RMND1: variants seen among roughly 807,000 people sequenced by gnomAD.
The protein encoded by RMND1 is required for meiotic nuclear division protein 1 homolog.
RMND1 carries 41 observed loss-of-function variants against 54.0 expected under a neutral mutation model. That is an observed-to-expected ratio of 0.76 (90% confidence interval 0.59 to 0.98). RMND1 has a LOEUF of 0.98. RMND1 is among the 50% of genes least tolerant of loss of function. The pLI, the probability that RMND1 is intolerant of heterozygous loss-of-function variation, is 0.00. For missense variants in RMND1, 457 were observed against 532.0 expected (o/e 0.86, Z 1.39); for synonymous variants, 183 against 181.7 (o/e 1.01, Z -0.06).
chr6:151,420,912 T>G (rs1780132891), intron 9 of RMND1: 1 of 170,190 alleles, frequency 5.9e-6, no homozygotes, highest in Admixed American at 6.1e-5. Flanking sequence ...AGCATTATGA[T>G]GCAGTGATAT....
chr6:151,430,319 G>A, intron 4 of RMND1, 142 bp from the exon 5 acceptor site: 1 of 557,142 alleles, frequency 1.8e-6, no homozygotes, highest in Non-Finnish European at 3.3e-6. Flanking sequence ...TTGATATTAT[G>A]GTCCTTAGGT....
At chr6:151,443,541 C>T (rs551749471) in intron 2 of RMND1, among the ~76,000 whole-genome samples, 35 of 152,270 alleles carry the variant, frequency 2.3e-4, no homozygotes, top group African/African-American at 8.2e-4. Context: ...GAACTCCTGA[C>T]CTCAAGTAAT....
At chr6:151,405,945 C>T (rs1264845714) in intron 10 of RMND1, 109 bp from the exon 11 acceptor site, 1 of 532,726 alleles carries the variant, frequency 1.9e-6, no homozygotes, top group Non-Finnish European at 3.3e-6. Flanking sequence ...GTCCTCTCCC[C>T]AAAGGCAGCC....
chr6:151,450,455 G>GGTCAGCCCCCCGCCC (rs1554348316), intron 1 of RMND1, among the ~76,000 whole-genome samples: 3 of 89,374 alleles, frequency 3.4e-5, no homozygotes, highest in African/African-American at 9.9e-5. Flanking sequence ...GGAGGTGGGG[G>GGTCAGCCCCCCGCCC]GGCCAGCCCC....
chr6:151,442,711 TC>T (rs34519973), intron 2 of RMND1, among the ~76,000 whole-genome samples: 26,222 of 143,662 alleles, frequency 0.18, 2,555 homozygotes, highest in African/African-American at 0.23. Context: ...TTTTTTTTTT[TC>T]CAAGTCTTTT....
At chr6:151,434,965 C>CA (rs1207745115) in intron 3 of RMND1, among the ~76,000 whole-genome samples, 6 of 152,020 alleles carry the variant, frequency 3.9e-5, no homozygotes, top group Non-Finnish European at 8.8e-5. Flanking sequence ...TGTCCTGCCT[C>CA]AGCCTCCTGA....
At chr6:151,415,718 G>A (rs1487233397) in intron 10 of RMND1, among the ~76,000 whole-genome samples, 2 of 149,962 alleles carry the variant, frequency 1.3e-5, no homozygotes, top group African/African-American at 4.9e-5. Context: ...GCGTGAACCC[G>A]GGAGGCAGAG....
At chr6:151,451,214 A>C (rs1214919949) in intron 1 of RMND1, among the ~76,000 whole-genome samples, 2 of 151,916 alleles carry the variant, frequency 1.3e-5, no homozygotes, top group Middle Eastern at 3.4e-3. Flanking sequence ...AAAAAAAAAA[A>C]AAAAACACAA....
chr6:151,419,943 C>T (rs566440711), intron 9 of RMND1, among the ~76,000 whole-genome samples: 32 of 151,334 alleles, frequency 2.1e-4, no homozygotes, highest in African/African-American at 7.6e-4. Context: ...TTTGCTTACA[C>T]AAATGGGATC....
At chr6:151,435,428 G>C (rs1780576271) in intron 3 of RMND1, among the ~76,000 whole-genome samples, 2 of 152,150 alleles carry the variant, frequency 1.3e-5, no homozygotes, top group African/African-American at 4.8e-5. Flanking sequence ...TTACAGGCCT[G>C]AGCCACCATG....
At chr6:151,448,004 C>T (rs980120645) in intron 1 of RMND1, among the ~76,000 whole-genome samples, 6 of 151,820 alleles carry the variant, frequency 4.0e-5, no homozygotes, top group African/African-American at 1.2e-4. Flanking sequence ...TTAGTAGAGA[C>T]GGGGTTTCAT....
chr6:151,424,129 G>A (rs1780226873), intron 6 of RMND1, among the ~76,000 whole-genome samples: 1 of 151,994 alleles, frequency 6.6e-6, no homozygotes, highest in Non-Finnish European at 1.5e-5. Flanking sequence ...GCGACTACAG[G>A]TGCGAGCCAC....
intron 10 of RMND1, 61 bp downstream of exon 10, chr6:151,417,218 C>A: frequency 6.6e-7 from 1 of 1,516,182 alleles, no homozygotes; most frequent in Non-Finnish European, 8.9e-7. Flanking sequence ...AGCAGTTAAA[C>A]ATATTCAACT....
rs189018314 is a variant in RMND1, at chr6:151,415,384, C to T, written c.1200+1895G>A. Among the ~76,000 whole-genome samples the T allele has an allele frequency of 8.0e-5, 12 of 150,660 alleles. No individual in the cohort carries two copies. The East Asian group carries it at 9.7e-4, about 12-fold the overall frequency. On this transcript the variant is annotated intron_variant, in intron 10 of 11. Transcript: ENST00000444024. ...TCAGTAGATTGTAATAAGTTATATA[C>T]GTAAGATGTAATAACCAGAGCAACT...
chr6:151,441,155 G>C (rs1443083407), intron 2 of RMND1, among the ~76,000 whole-genome samples: 2 of 152,306 alleles, frequency 1.3e-5, no homozygotes, highest in East Asian at 1.9e-4. Context: ...ATCTACATAT[G>C]ATTCTTGTTT....
chr6:151,451,760 T>C (rs1164483285), intron 1 of RMND1, among the ~76,000 whole-genome samples: 50 of 152,210 alleles, frequency 3.3e-4, no homozygotes, highest in Admixed American at 3.3e-3. Context: ...TTTGGGAGTA[T>C]GCCGTTCAAT....
intron 2 of RMND1, among the ~76,000 whole-genome samples, chr6:151,437,176 A>G (rs969242176): frequency 1.3e-5 from 2 of 152,234 alleles, no homozygotes; most frequent in Non-Finnish European, 1.5e-5. Flanking sequence ...GGTAAGCACT[A>G]TGGCTCAATG....
intron 4 of RMND1, 141 bp downstream of exon 4, chr6:151,433,014 A>AT: frequency 1.8e-6 from 1 of 542,872 alleles, no homozygotes; most frequent in Non-Finnish European, 3.3e-6. Context: ...CCTAGATTAA[A>AT]TAAGAATTAA....
intron 1 of RMND1, among the ~76,000 whole-genome samples, chr6:151,450,584 G>A (rs1404509632): frequency 2.0e-5 from 3 of 146,726 alleles, no homozygotes; most frequent in African/African-American, 2.5e-5. Context: ...AGGTGGGGGG[G>A]TCAGCCCCCC....
Sources: gnomAD v4.1 joint callset for allele counts (sites outside exome capture counted in the v4.1 genomes callset) on GRCh38, gnomAD v4.1.1 for gene constraint, MANE v1.5 for transcripts, NCBI Gene and HGNC (gene_info 2026-07-23, HGNC 2026-07-21) for gene names.